The following SNTG1 variants were observed in gnomAD, a reference collection of about 807,000 sequenced individuals.
SNTG1 encodes gamma-1-syntrophin.
In SNTG1, 39 loss-of-function variants were observed where a neutral mutation model predicts 74.7. The ratio of observed to expected loss-of-function variants is 0.52; its 90% confidence interval spans 0.40 to 0.68. The LOEUF (loss-of-function observed/expected upper bound fraction) is 0.68. Among genes scored for constraint, SNTG1 ranks in the 30% least tolerant of loss-of-function variants. The pLI is 0.00. For synonymous variants in SNTG1, 254 were observed against 217.1 expected, an observed-to-expected ratio of 1.17 and a Z score of -1.49; for missense variants, 685 against 609.5, an observed-to-expected ratio of 1.12 and a Z score of -1.30.
chr8:50,521,336 G>A (rs886504342), intron 9 of SNTG1, among the ~76,000 whole-genome samples: 1 of 152,142 alleles, frequency 6.6e-6, no homozygotes, highest in East Asian at 1.9e-4. Flanking sequence ...GTTGATGGGT[G>A]CAGCAAACCA....
chr8:50,307,122 C>G (rs2089932625), intron 2 of SNTG1, among the ~76,000 whole-genome samples: 1 of 151,944 alleles, frequency 6.6e-6, no homozygotes, highest in East Asian at 1.9e-4. Flanking sequence ...CTTTGTTGTT[C>G]CGCTAATTAA....
chr8:50,320,392 T>A (rs1176417993), intron 2 of SNTG1, among the ~76,000 whole-genome samples: 1 of 152,082 alleles, frequency 6.6e-6, no homozygotes, highest in African/African-American at 2.4e-5. Flanking sequence ...TTATTTGGAT[T>A]TTTTTCTCTT....
At chr8:50,300,841 T>C (rs182109926) in intron 2 of SNTG1, among the ~76,000 whole-genome samples, 4 of 152,152 alleles carry the variant, frequency 2.6e-5, no homozygotes, top group Non-Finnish European at 5.9e-5. Flanking sequence ...TTGTTAGATA[T>C]AGACTTTTCA....
chr8:50,580,165 A>G (rs2094601156), intron 12 of SNTG1, among the ~76,000 whole-genome samples: 1 of 152,250 alleles, frequency 6.6e-6, no homozygotes, highest in Non-Finnish European at 1.5e-5. Context: ...AAGTTTAACA[A>G]CTGCCCTATT....
intron 2 of SNTG1, among the ~76,000 whole-genome samples, chr8:50,268,571 T>TG (rs1236192462): frequency 6.6e-6 from 1 of 152,022 alleles, no homozygotes; most frequent in African/African-American, 2.4e-5. Context: ...AGCATGGCAC[T>TG]GGAGGAGGGA....
chr8:50,199,675 C>A (rs192121549), intron 2 of SNTG1, among the ~76,000 whole-genome samples: 2 of 152,236 alleles, frequency 1.3e-5, no homozygotes, highest in East Asian at 3.9e-4. Context: ...GAGTGCAGGT[C>A]GTCAGCTGCC....
chr8:50,038,278 C>A (rs1287603556), intron 1 of SNTG1, among the ~76,000 whole-genome samples: 3 of 152,106 alleles, frequency 2.0e-5, no homozygotes, highest in Non-Finnish European at 2.9e-5. Flanking sequence ...GTGGACTAAT[C>A]GTAGATGTGT....
chr8:50,384,200 T>C (rs1414301482), intron 2 of SNTG1, among the ~76,000 whole-genome samples: 2 of 152,144 alleles, frequency 1.3e-5, no homozygotes, highest in Non-Finnish European at 2.9e-5. Context: ...CCATAACTGT[T>C]TTCAAAAGGC....
chr8:50,516,383 C>T (rs990299557), intron 9 of SNTG1, among the ~76,000 whole-genome samples: 3 of 152,178 alleles, frequency 2.0e-5, no homozygotes, highest in African/African-American at 7.2e-5. Context: ...CAGAACACCA[C>T]TTCTTCTCCA....
At chr8:50,527,844 G>A (rs2094234653) in intron 9 of SNTG1, among the ~76,000 whole-genome samples, 1 of 151,376 alleles carries the variant, frequency 6.6e-6, no homozygotes, top group Admixed American at 6.6e-5. Context: ...TTTCTTCTCA[G>A]CAATATATTA....
chr8:50,344,733 T>C (rs990282751), intron 2 of SNTG1, among the ~76,000 whole-genome samples: 4 of 152,170 alleles, frequency 2.6e-5, no homozygotes, highest in Non-Finnish European at 4.4e-5. Context: ...GCTTCTCACA[T>C]TGGAATTCTT....
chr8:50,530,397 T>C (rs1485625619), intron 10 of SNTG1, 138 bp downstream of exon 10: 14 of 866,630 alleles, frequency 1.6e-5, no homozygotes, highest in Non-Finnish European at 2.5e-5. Flanking sequence ...AAACAAGAAA[T>C]GCAAAATAAA....
chr8:50,457,808 T>C (rs1385317661), intron 8 of SNTG1: 1 of 152,152 alleles, frequency 6.6e-6, no homozygotes, highest in Non-Finnish European at 1.5e-5. Flanking sequence ...GGCAATCGAA[T>C]TAGAGTTCAA....
chr8:50,559,804 A>G lies in SNTG1; in HGVS notation c.810+6625A>G, dbSNP rs553577049. 7.2e-5 allele frequency among the ~76,000 whole-genome samples: 11 copies of G among 152,326 alleles called. No homozygotes were observed. The East Asian group carries it at 2.1e-3, about 29-fold the overall frequency. ...AAATCTAGGCAATACCTTTCAGTAC[A>G]TAGCCATGGACAAAGATTTCATGAC... On this transcript the variant is annotated intron_variant, in intron 12 of 18. Transcript: ENST00000642720.
At chr8:49,935,643 G>A (rs968202228) in intron 1 of SNTG1, among the ~76,000 whole-genome samples, 1 of 151,922 alleles carries the variant, frequency 6.6e-6, no homozygotes, top group African/African-American at 2.4e-5. Flanking sequence ...ATCAAACAAA[G>A]GTTTGTAGAA....
chr8:50,702,985 C>A (rs184039134), intron 15 of SNTG1, among the ~76,000 whole-genome samples: 1 of 151,782 alleles, frequency 6.6e-6, no homozygotes, highest in Non-Finnish European at 1.5e-5. Context: ...ATGGAGTTTG[C>A]AGAATGGTAG....
At chr8:50,205,343 T>C (rs2084171869) in intron 2 of SNTG1, among the ~76,000 whole-genome samples, 1 of 152,244 alleles carries the variant, frequency 6.6e-6, no homozygotes, top group Non-Finnish European at 1.5e-5. Flanking sequence ...TTTTTTCATG[T>C]GTCTGTTGGC....
intron 1 of SNTG1, among the ~76,000 whole-genome samples, chr8:50,127,712 A>G (rs552886237): frequency 6.6e-6 from 1 of 152,290 alleles, no homozygotes; most frequent in Non-Finnish European, 1.5e-5. Flanking sequence ...AGAATTTCCA[A>G]ACAGGATATA....
At chr8:50,504,962 G>A (rs2093994151) in intron 9 of SNTG1, among the ~76,000 whole-genome samples, 1 of 151,984 alleles carries the variant, frequency 6.6e-6, no homozygotes, top group Admixed American at 6.6e-5. Context: ...ATTGCAAAAT[G>A]GAAATTCTAT....
Sources: gnomAD v4.1 joint callset for allele counts (sites outside exome capture counted in the v4.1 genomes callset) on GRCh38, gnomAD v4.1.1 for gene constraint, MANE v1.5 for transcripts, NCBI Gene and HGNC (gene_info 2026-07-23, HGNC 2026-07-21) for gene names.